The following ZNF804B variants were observed in gnomAD, a reference collection of about 807,000 sequenced individuals.
ZNF804B encodes zinc finger protein 804B, also known as zinc finger 804B.
ZNF804B carries 80 observed loss-of-function variants against 101.4 expected under a neutral mutation model. The ratio of observed to expected loss-of-function variants is 0.79; its 90% confidence interval spans 0.66 to 0.95. ZNF804B has a LOEUF of 0.95. Ranked by LOEUF, ZNF804B falls within the 40% of genes least tolerant of loss-of-function variation. The pLI, the probability that ZNF804B is intolerant of heterozygous loss-of-function variation, is 0.00. For synonymous variants in ZNF804B, 622 were observed against 558.8 expected (o/e 1.11, Z -1.59); for missense variants, 1,673 against 1,561.9 (o/e 1.07, Z -1.20).
chr7:89,058,578 T>G (rs1315977100), intron 1 of ZNF804B, among the ~76,000 whole-genome samples: 15 of 152,134 alleles, frequency 9.9e-5, no homozygotes, highest in Non-Finnish European at 2.2e-4. Flanking sequence ...CTTACCCTGT[T>G]GATGCAAAAT....
At chr7:89,082,702 C>G (rs893674004) in intron 1 of ZNF804B, among the ~76,000 whole-genome samples, 1 of 151,640 alleles carries the variant, frequency 6.6e-6, no homozygotes, top group Non-Finnish European at 1.5e-5. Flanking sequence ...ACTTTTATGA[C>G]TGATATAAGT....
At chr7:89,044,871 A>G (rs897828740) in intron 1 of ZNF804B, among the ~76,000 whole-genome samples, 4 of 152,236 alleles carry the variant, frequency 2.6e-5, no homozygotes, top group Non-Finnish European at 5.9e-5. Context: ...GAGAAATTCA[A>G]GCAGGCTGCA....
chr7:89,018,617 A>G (rs1236608003), intron 1 of ZNF804B, among the ~76,000 whole-genome samples: 1 of 152,072 alleles, frequency 6.6e-6, no homozygotes, highest in East Asian at 1.9e-4. Context: ...CAAAATTTTG[A>G]TAGAATTCAG....
intron 1 of ZNF804B, among the ~76,000 whole-genome samples, chr7:89,156,074 C>CTCGTTCTCTTTCCTT (rs1554371387): frequency 2.9e-5 from 2 of 69,734 alleles, no homozygotes; most frequent in Non-Finnish European, 5.8e-5. Context: ...CTTTCTTTCT[C>CTCGTTCTCTTTCCTT]TCTTTCTCTC....
At chr7:89,283,388 G>A (rs1157709056) in intron 2 of ZNF804B, among the ~76,000 whole-genome samples, 1 of 152,114 alleles carries the variant, frequency 6.6e-6, no homozygotes, top group African/African-American at 2.4e-5. Flanking sequence ...TATGCTTGCA[G>A]TAAAAAAACT....
At chr7:89,221,398 T>A (rs1789001704) in intron 2 of ZNF804B, among the ~76,000 whole-genome samples, 1 of 151,922 alleles carries the variant, frequency 6.6e-6, no homozygotes, top group African/African-American at 2.4e-5. Flanking sequence ...ACAGTGGAAT[T>A]TGATTTGTGC....
chr7:89,099,538 G>T (rs1464246561), intron 1 of ZNF804B, among the ~76,000 whole-genome samples: 2 of 152,276 alleles, frequency 1.3e-5, no homozygotes, highest in African/African-American at 4.8e-5. Flanking sequence ...AACAAGAGGA[G>T]TTCGCAGTTC....
intron 2 of ZNF804B, among the ~76,000 whole-genome samples, chr7:89,276,252 C>T (rs1197330160): frequency 6.6e-6 from 1 of 151,698 alleles, no homozygotes; most frequent in Non-Finnish European, 1.5e-5. Flanking sequence ...TTGATAGGTG[C>T]AACAAAACAC....
rs889645934 is a variant in ZNF804B, at chr7:89,322,185, A to T, written c.250-5159A>T. Reference sequence around the variant, plus strand: ...ACAAATTTCCGTAAGGTAATACATGATTTAAGCAAAACTGTTAACCGCTTG... The same window carrying T: ...ACAAATTTCCGTAAGGTAATACATGTTTTAAGCAAAACTGTTAACCGCTTG... On this transcript the variant is annotated intron_variant, in intron 2 of 3. Transcript: ENST00000333190. 2.0e-5 allele frequency among the ~76,000 whole-genome samples: 3 copies of T among 152,206 alleles called. No individual in the cohort carries two copies. In the South Asian group the frequency reaches 6.2e-4, roughly 31 times the overall value.
intron 1 of ZNF804B, among the ~76,000 whole-genome samples, chr7:88,818,333 G>A (rs1216000932): frequency 6.6e-6 from 1 of 151,946 alleles, no homozygotes; most frequent in Admixed American, 6.6e-5. Flanking sequence ...ATAAATTAGG[G>A]ATTATCCTAA....
At chr7:88,783,241 C>G (rs1363425948) in intron 1 of ZNF804B, among the ~76,000 whole-genome samples, 1 of 152,076 alleles carries the variant, frequency 6.6e-6, no homozygotes, top group Non-Finnish European at 1.5e-5. Context: ...GTCGTTTGTG[C>G]TTTGTGAGAT....
At chr7:88,903,107 C>G (rs1183204300) in intron 1 of ZNF804B, among the ~76,000 whole-genome samples, 1 of 150,062 alleles carries the variant, frequency 6.7e-6, no homozygotes, top group African/African-American at 2.5e-5. Context: ...CCCTTCCTCC[C>G]CCCTCTAATA....
intron 1 of ZNF804B, among the ~76,000 whole-genome samples, chr7:89,039,413 C>A (rs1788980413): frequency 6.6e-6 from 1 of 151,676 alleles, no homozygotes; most frequent in Non-Finnish European, 1.5e-5. Context: ...GTGTACAGAT[C>A]TTTCACCTCC....
intron 1 of ZNF804B, among the ~76,000 whole-genome samples, chr7:89,021,697 C>G (rs1788670206): frequency 6.6e-6 from 1 of 152,090 alleles, no homozygotes; most frequent in Non-Finnish European, 1.5e-5. Flanking sequence ...CAATCCTAAA[C>G]CTAGGTTTTG....
At chr7:88,794,777 T>C (rs140252124) in intron 1 of ZNF804B, 2 of 1,613,768 alleles carry the variant, frequency 1.2e-6, no homozygotes, top group African/African-American at 2.7e-5. Flanking sequence ...TTTGCTTGTA[T>C]CTTGGCCACT....
intron 1 of ZNF804B, among the ~76,000 whole-genome samples, chr7:88,875,979 A>C (rs1467676893): frequency 6.6e-6 from 1 of 152,194 alleles, no homozygotes; most frequent in Non-Finnish European, 1.5e-5. Flanking sequence ...AGTGGGCTTC[A>C]TCCCTGGGAT....
intron 1 of ZNF804B, among the ~76,000 whole-genome samples, chr7:89,157,925 A>G (rs1383515108): frequency 2.0e-5 from 3 of 152,196 alleles, no homozygotes; most frequent in African/African-American, 7.2e-5. Flanking sequence ...AAGTTGAGCA[A>G]ATAATTTCTT....
intron 2 of ZNF804B, among the ~76,000 whole-genome samples, chr7:89,307,624 A>G (rs562823369): frequency 1.3e-5 from 2 of 152,190 alleles, no homozygotes; most frequent in African/African-American, 4.8e-5. Flanking sequence ...ATAAAATCTT[A>G]TTTTTGAGCA....
At chr7:89,308,922 C>T (rs920872102) in intron 2 of ZNF804B, among the ~76,000 whole-genome samples, 3 of 152,164 alleles carry the variant, frequency 2.0e-5, no homozygotes, top group Non-Finnish European at 4.4e-5. Context: ...CTACCTGTAA[C>T]ACAACATGCC....
Sources: allele counts gnomAD v4.1 joint callset (sites outside exome capture counted in the v4.1 genomes callset), GRCh38; gene constraint gnomAD v4.1.1; transcripts MANE v1.5; gene names NCBI Gene and HGNC (gene_info 2026-07-23, HGNC 2026-07-21).